Variants in ATP2B1 observed in about 807,000 individuals in gnomAD.
The protein encoded by ATP2B1 is ATPase plasma membrane Ca2+ transporting 1, also known as plasma membrane calcium-transporting ATPase 1.
In ATP2B1, 14 loss-of-function variants were observed where a neutral mutation model predicts 124.2. That is an observed-to-expected ratio of 0.11 (90% confidence interval 0.07 to 0.18). The LOEUF (loss-of-function observed/expected upper bound fraction) is 0.18. ATP2B1 is among the 10% of genes least tolerant of loss of function. The pLI is 1.00. For missense variants in ATP2B1, 763 were observed against 1,466.1 expected, an observed-to-expected ratio of 0.52 and a Z score of 7.83; for synonymous variants, 449 against 492.4, an observed-to-expected ratio of 0.91 and a Z score of 1.17.
At chr12:89,609,182 CA>C (rs1308873246) in intron 15 of ATP2B1, among the ~76,000 whole-genome samples, 1 of 152,170 alleles carries the variant, frequency 6.6e-6, no homozygotes, top group African/African-American at 2.4e-5. Flanking sequence ...GATAATGAGA[CA>C]CATAACCTTA....
chr12:89,633,213 GCT>G (rs1882151861), intron 5 of ATP2B1, among the ~76,000 whole-genome samples: 1 of 152,006 alleles, frequency 6.6e-6, no homozygotes, highest in Non-Finnish European at 1.5e-5. Flanking sequence ...ATATATCCAA[GCT>G]CTTTCTGGCT....
At chr12:89,631,393 T>C (rs1881838172) in intron 5 of ATP2B1, among the ~76,000 whole-genome samples, 1 of 152,190 alleles carries the variant, frequency 6.6e-6, no homozygotes, top group Non-Finnish European at 1.5e-5. Flanking sequence ...AAACAACGTA[T>C]GTATCAATGA....
chr12:89,590,961 G>A lies in ATP2B1; in HGVS notation c.*23C>T, dbSNP rs1457857537. On this transcript the variant is annotated 3_prime_UTR_variant, in exon 21 of 21. Transcript: ENST00000428670. The stretch of plus-strand genomic sequence containing the variant: ...AATTTGTTTCTTTACAATGCAGCTA[G>A]TGTGTTAACATTCAGCTTACAATCA... The A allele has an allele frequency of 6.3e-7, 1 of 1,595,486 alleles. No individual in the cohort carries two copies. Among genetic ancestry groups the A allele is most frequent in the African/African-American group, 1.3e-5 (1 of 74,450 alleles).
At chr12:89,607,992 C>T (rs999050914) in intron 15 of ATP2B1, among the ~76,000 whole-genome samples, 3 of 151,798 alleles carry the variant, frequency 2.0e-5, no homozygotes, top group African/African-American at 7.3e-5. Context: ...ATAGGAGATA[C>T]ATTTAGAAAG....
At chr12:89,674,593 A>C (rs1237190198) in intron 1 of ATP2B1, among the ~76,000 whole-genome samples, 2 of 152,234 alleles carry the variant, frequency 1.3e-5, no homozygotes, top group Non-Finnish European at 2.9e-5. Context: ...ATTATTAATG[A>C]TGATGGTAAC....
chr12:89,682,618 T>C (rs1889495468), intron 1 of ATP2B1, among the ~76,000 whole-genome samples: 1 of 152,160 alleles, frequency 6.6e-6, no homozygotes, highest in Admixed American at 6.5e-5. Flanking sequence ...GAAGCAAAAA[T>C]GGACTTTTCC....
rs187636376 is a variant in ATP2B1, at chr12:89,651,653, T to C, written c.208+4026A>G. The stretch of plus-strand genomic sequence containing the variant: ...TCACCATGTAATTCCAAAAATTTTT[T>C]CCCCTATCAAAAATTACTATAGAGA... On this transcript the variant is annotated intron_variant, in intron 2 of 20. Transcript: ENST00000428670. Among the ~76,000 whole-genome samples, 206 of 152,264 alleles carry C rather than the reference T, an allele frequency of 1.4e-3. 4 individuals carry two copies. The East Asian group carries it at 0.03, about 22-fold the overall frequency.
intron 2 of ATP2B1, among the ~76,000 whole-genome samples, chr12:89,643,672 T>C (rs961069907): frequency 3.3e-5 from 5 of 152,246 alleles, no homozygotes; most frequent in African/African-American, 7.2e-5. Flanking sequence ...TTTAACCTTG[T>C]TGATCCTGTC....
intron 2 of ATP2B1, among the ~76,000 whole-genome samples, chr12:89,649,858 G>T (rs945511208): frequency 1.3e-5 from 2 of 152,172 alleles, no homozygotes. Flanking sequence ...TTGGTGATAA[G>T]TGAGTTCTTG....
intron 1 of ATP2B1, among the ~76,000 whole-genome samples, chr12:89,693,914 T>G (rs1890825442): frequency 6.6e-6 from 1 of 152,200 alleles, no homozygotes; most frequent in African/African-American, 2.4e-5. Context: ...AGCCTTAGGC[T>G]GGGAGAAAAA....
In ATP2B1 at chr12:89,588,275, C is replaced by T. The variant is rs1872973899; in HGVS notation, c.*2709G>A. 6.6e-6 allele frequency: 1 copy of T among 152,486 alleles called. No individual in the cohort carries two copies. Among genetic ancestry groups the T allele is most frequent in the African/African-American group, 2.4e-5 (1 of 41,400 alleles). The allele number at this position is 152,486 out of a possible 1,614,324, so 9.4% of individuals were successfully genotyped here. A position where few individuals can be genotyped will look rare whatever the true frequency, so the allele number is the denominator to read the frequency against. On this transcript the variant is annotated 3_prime_UTR_variant, in exon 21 of 21. Transcript: ENST00000428670. ...TTTTCTTATAAACAAATCACCAATT[C>T]TTGGTTCAAAACTGACATCTGTTAT...
intron 1 of ATP2B1, among the ~76,000 whole-genome samples, chr12:89,679,993 G>A (rs949641972): frequency 3.3e-5 from 5 of 151,912 alleles, no homozygotes; most frequent in Admixed American, 1.3e-4. Flanking sequence ...CAAAGAGAAA[G>A]ACACATAAAC....
At chr12:89,617,472 T>C (rs556434433) in intron 11 of ATP2B1, among the ~76,000 whole-genome samples, 12 of 152,266 alleles carry the variant, frequency 7.9e-5, no homozygotes, top group African/African-American at 2.9e-4. Context: ...TGAGATGTTG[T>C]TTCATCACCT....
At chr12:89,592,500 T>A (rs1873769916) in intron 20 of ATP2B1, among the ~76,000 whole-genome samples, 1 of 152,034 alleles carries the variant, frequency 6.6e-6, no homozygotes, top group Non-Finnish European at 1.5e-5. Flanking sequence ...TGCACCCACA[T>A]CTCACCTTCA....
intron 1 of ATP2B1, among the ~76,000 whole-genome samples, chr12:89,676,153 T>C (rs1888582332): frequency 6.6e-6 from 1 of 152,086 alleles, no homozygotes; most frequent in African/African-American, 2.4e-5. Flanking sequence ...CTCTCTCCCA[T>C]TGTAGGTGCT....
At position 89,642,312 on chromosome 12, in the gene ATP2B1, C is replaced by T. The variant is rs1417418043; in HGVS notation, c.252G>A (p.Val84=). Residue 84 remains valine, a synonymous_variant, in exon 3 of 21, where the codon GTG becomes GTA. Coordinates refer to ENST00000428670, the MANE Select transcript of ATP2B1 (RefSeq NM_001366521.1). Reference sequence around the variant, plus strand: ...TAGGAGGTATAAAATTCTTTCCAAACACTGCTTCTCTTCTTTCTAAATCTG... The same window carrying T: ...TAGGAGGTATAAAATTCTTTCCAAATACTGCTTCTCTTCTTTCTAAATCTG... The part of the protein sequence containing the change: ...NPADLERREA[V]FGKNFIPPKK... 1.2e-6 allele frequency: 2 copies of T among 1,613,736 alleles called. No homozygotes were observed. The highest frequency in any genetic ancestry group is 2.2e-5 in the East Asian group (1 of 44,828).
intron 1 of ATP2B1, among the ~76,000 whole-genome samples, chr12:89,673,714 G>T (rs978684853): frequency 2.6e-5 from 4 of 152,130 alleles, no homozygotes; most frequent in African/African-American, 7.2e-5. Flanking sequence ...GAAGTGTATG[G>T]ATTTTCATCT....
In ATP2B1 at chr12:89,652,576, T is replaced by C. The variant is rs570960996; in HGVS notation, c.208+3103A>G. ...GTACTTGCTGTCTAGTTCATTTCCT[T>C]GGACGTACAAACTCCTAATTGCTTA... On this transcript the variant is annotated intron_variant, in intron 2 of 20. Coordinates refer to ENST00000428670, the MANE Select transcript of ATP2B1 (RefSeq NM_001366521.1). 3.3e-4 allele frequency among the ~76,000 whole-genome samples: 51 copies of C among 152,344 alleles called. No homozygotes were observed. The South Asian group carries it at 0.01, about 31-fold the overall frequency.
rs1220377586 is a variant in ATP2B1 at position 89,603,365 on chromosome 12, T to C, written c.2849-111A>G. On this transcript the variant is annotated intron_variant, in intron 17 of 20. Transcript: ENST00000428670. The surrounding 1 kb of genome is among the most constrained non-coding windows in gnomAD (Gnocchi z 4.3). ...TTTTATTTGATCTGAAATGGCAGCA[T>C]GGAAGGAGCTAGAGAAACCTGGGAT... is the stretch of plus-strand genomic sequence containing the variant. 4 of 917,054 alleles carry C rather than the reference T, an allele frequency of 4.4e-6. No individual in the cohort carries two copies. Among genetic ancestry groups the C allele is most frequent in the Non-Finnish European group, 6.4e-6 (4 of 625,958 alleles). 56.8% of individuals were successfully genotyped at this position (917,054 alleles called of 1,614,324 possible).
Sources: gnomAD v4.1 joint callset for allele counts (sites outside exome capture counted in the v4.1 genomes callset) on GRCh38, gnomAD v4.1.1 for gene constraint, Gnocchi (gnomAD v3.1) non-coding constraint, MANE v1.5 for transcripts, NCBI Gene and HGNC (gene_info 2026-07-23, HGNC 2026-07-21) for gene names.